UNC13B: variants seen among roughly 807,000 people sequenced by gnomAD.
UNC13B encodes unc-13 homolog B, also known as protein unc-13 homolog B.
In UNC13B, 144 loss-of-function variants were observed where a neutral mutation model predicts 211.0. That is an observed-to-expected ratio of 0.68 (90% CI 0.60 to 0.78). The LOEUF is 0.78. Among genes scored for constraint, UNC13B ranks in the 30% least tolerant of loss-of-function variants. The pLI, the probability that UNC13B is intolerant of heterozygous loss-of-function variation, is 0.00. For synonymous variants in UNC13B, 709 were observed against 725.8 expected, an observed-to-expected ratio of 0.98 and a Z score of 0.37; for missense variants, 1,777 against 2,002.0, an observed-to-expected ratio of 0.89 and a Z score of 2.14.
intron 2 of UNC13B, among the ~76,000 whole-genome samples, chr9:35,229,405 A>G (rs1825067591): frequency 6.6e-6 from 1 of 152,080 alleles, no homozygotes; most frequent in Non-Finnish European, 1.5e-5. Context: ...TTTCTCTCCC[A>G]GCTGGTTTTC....
At chr9:35,198,114 A>G (rs1353341696) in intron 1 of UNC13B, among the ~76,000 whole-genome samples, 1 of 152,202 alleles carries the variant, frequency 6.6e-6, no homozygotes, top group Non-Finnish European at 1.5e-5. Flanking sequence ...CATGTGTTCA[A>G]GCATATTGAT....
intron 7 of UNC13B, among the ~76,000 whole-genome samples, chr9:35,283,696 A>G (rs1828633423): frequency 1.3e-5 from 2 of 152,236 alleles, no homozygotes. Flanking sequence ...TAAAAGAGTG[A>G]AAGGCAGTTG....
chr9:35,191,648 A>G (rs1318379636), intron 1 of UNC13B, among the ~76,000 whole-genome samples: 2 of 152,238 alleles, frequency 1.3e-5, no homozygotes, highest in East Asian at 3.8e-4. Context: ...GGCTCTGCCT[A>G]GATTGATAAA....
chr9:35,213,605 C>G (rs536344585), intron 1 of UNC13B, among the ~76,000 whole-genome samples: 1 of 152,252 alleles, frequency 6.6e-6, no homozygotes, highest in East Asian at 1.9e-4. Context: ...AGTCAGGTAG[C>G]TGGAAATAAG....
chr9:35,165,043 TAAGAG>T (rs1820959874), intron 1 of UNC13B, among the ~76,000 whole-genome samples: 1 of 152,212 alleles, frequency 6.6e-6, no homozygotes, highest in Non-Finnish European at 1.5e-5. Context: ...TAGGTTATCT[TAAGAG>T]GGGAGTGATT....
chr9:35,395,361 A>C (rs1365575487), intron 26 of UNC13B, among the ~76,000 whole-genome samples: 1 of 152,176 alleles, frequency 6.6e-6, no homozygotes, highest in African/African-American at 2.4e-5. Context: ...AGTGCCAGGG[A>C]ATGAAATTCC....
Position 35,307,571 on chromosome 9 carries a change from C to T in UNC13B, c.8167C>T (p.His2723Tyr), listed in dbSNP as rs1829987367. 2 of 398,968 alleles carry T rather than the reference C, an allele frequency of 5.0e-6. No homozygotes were observed. The highest frequency in any genetic ancestry group is 8.8e-5 in the Admixed American group (2 of 22,712). 24.7% of individuals were successfully genotyped at this position (398,968 alleles called of 1,614,324 possible). Residue 2723 changes from histidine to tyrosine, a missense_variant, in exon 9 of 40, where the codon CAC becomes TAC. Coordinates refer to ENST00000635942, the MANE Select transcript of UNC13B (RefSeq NM_001371189.2). ...GAGCACCACTCTGGAAACCGAAGGG[C>T]ACTTTTCTCATCCTCTGCTGGAGGA... is the stretch of plus-strand genomic sequence containing the variant. ...SQSTTLETEG[H>Y]FSHPLLEDPV...
At chr9:35,260,107 G>T (rs1419283156) in intron 7 of UNC13B, among the ~76,000 whole-genome samples, 1 of 151,466 alleles carries the variant, frequency 6.6e-6, no homozygotes, top group Non-Finnish European at 1.5e-5. Flanking sequence ...ATACTTGGGA[G>T]GCTGAGGTGG....
chr9:35,178,597 G>T (rs1420781508), intron 1 of UNC13B, among the ~76,000 whole-genome samples: 1 of 151,920 alleles, frequency 6.6e-6, no homozygotes, highest in South Asian at 2.1e-4. Flanking sequence ...TTTCAGAGTG[G>T]TTACATATGA....
At chr9:35,246,569 G>A (rs1174872629) in intron 6 of UNC13B, among the ~76,000 whole-genome samples, 1 of 152,108 alleles carries the variant, frequency 6.6e-6, no homozygotes, top group Non-Finnish European at 1.5e-5. Context: ...TTCTACATAT[G>A]GCTAGCCAGT....
At chr9:35,262,796 G>A (rs1417282231) in intron 7 of UNC13B, among the ~76,000 whole-genome samples, 2 of 152,058 alleles carry the variant, frequency 1.3e-5, no homozygotes. Context: ...GTCAGGCATA[G>A]TGGTGCATAC....
chr9:35,365,566 A>T (rs912342474), intron 11 of UNC13B, among the ~76,000 whole-genome samples: 1 of 149,012 alleles, frequency 6.7e-6, no homozygotes, highest in Non-Finnish European at 1.5e-5. Flanking sequence ...AGATCTGGGG[A>T]TTTAGGGATT....
At chr9:35,336,940 A>G (rs890601076) in intron 11 of UNC13B, among the ~76,000 whole-genome samples, 1 of 152,154 alleles carries the variant, frequency 6.6e-6, no homozygotes, top group African/African-American at 2.4e-5. Flanking sequence ...ATGGCACTCT[A>G]CATAGGGCCA....
chr9:35,293,119 A>G (rs1025881302), intron 7 of UNC13B, among the ~76,000 whole-genome samples: 2 of 151,990 alleles, frequency 1.3e-5, no homozygotes, highest in Non-Finnish European at 2.9e-5. Context: ...TTTATTCCTT[A>G]GTATATTCTC....
At chr9:35,272,418 T>C (rs1189147279) in intron 7 of UNC13B, among the ~76,000 whole-genome samples, 1 of 151,672 alleles carries the variant, frequency 6.6e-6, no homozygotes, top group Non-Finnish European at 1.5e-5. Context: ...CCACCACACG[T>C]GGCTAATTTT....
intron 22 of UNC13B, 43 bp from the exon 23 acceptor site, chr9:35,385,681 A>G (rs774769089): frequency 1.2e-5 from 18 of 1,549,736 alleles, no homozygotes; most frequent in South Asian, 6.0e-5. Flanking sequence ...GAAGGTTTTC[A>G]TAGTCCTCTG....
intron 10 of UNC13B, 35 bp downstream of exon 10, chr9:35,310,816 T>A (rs765182910): frequency 1.3e-6 from 2 of 1,583,306 alleles, no homozygotes; most frequent in South Asian, 2.3e-5. Context: ...CTCACATGGC[T>A]TCCTCAGTAC....
chr9:35,183,550 C>T (rs1822114952), intron 1 of UNC13B, among the ~76,000 whole-genome samples: 1 of 136,802 alleles, frequency 7.3e-6, no homozygotes, highest in Non-Finnish European at 1.6e-5. Flanking sequence ...GAAGGGCGGC[C>T]AGGCAGAGGC....
At chr9:35,209,504 A>G (rs1823849836) in intron 1 of UNC13B, among the ~76,000 whole-genome samples, 1 of 152,010 alleles carries the variant, frequency 6.6e-6, no homozygotes, top group Non-Finnish European at 1.5e-5. Context: ...CAGCCTCCTA[A>G]GCAGCTGGAG....
Sources: allele counts gnomAD v4.1 joint callset (sites outside exome capture counted in the v4.1 genomes callset), GRCh38; gene constraint gnomAD v4.1.1; transcripts MANE v1.5; gene names NCBI Gene and HGNC (gene_info 2026-07-23, HGNC 2026-07-21).